The following POU2F1 variants were observed in gnomAD, a reference collection of about 807,000 sequenced individuals.
POU2F1 encodes POU class 2 homeobox 1.
In POU2F1, 16 loss-of-function variants were observed where a neutral mutation model predicts 84.9. The observed-to-expected ratio is 0.19, with a 90% CI of 0.13 to 0.29. The LOEUF is 0.29. POU2F1 is among the 10% of genes least tolerant of loss of function. The pLI, the probability that POU2F1 is intolerant of heterozygous loss-of-function variation, is 1.00. For missense variants in POU2F1, 738 were observed against 942.6 expected, an observed-to-expected ratio of 0.78 and a Z score of 2.84; for synonymous variants, 368 against 368.3, an observed-to-expected ratio of 1.00 and a Z score of 0.01.
At chr1:167,359,081 A>G (rs1349784308) in intron 2 of POU2F1, among the ~76,000 whole-genome samples, 1 of 149,564 alleles carries the variant, frequency 6.7e-6, no homozygotes, top group Non-Finnish European at 1.5e-5. Flanking sequence ...GGATTTATTT[A>G]TTTCTCAGTG....
intron 1 of POU2F1, among the ~76,000 whole-genome samples, chr1:167,313,313 G>A (rs1359756227): frequency 1.3e-5 from 2 of 152,036 alleles, no homozygotes; most frequent in African/African-American, 4.8e-5. Flanking sequence ...TTTTTTTCTA[G>A]ACATGAACAA....
At chr1:167,348,413 A>C (rs1035284756) in intron 2 of POU2F1, among the ~76,000 whole-genome samples, 2 of 152,186 alleles carry the variant, frequency 1.3e-5, no homozygotes, top group Non-Finnish European at 2.9e-5. Flanking sequence ...ATTACCGCCA[A>C]ACTTTTTTCC....
At chr1:167,396,451 C>G in intron 10 of POU2F1, 24 bp downstream of exon 10, 4 of 1,598,902 alleles carry the variant, frequency 2.5e-6, no homozygotes, top group Non-Finnish European at 3.4e-6. Context: ...TAAGACATTT[C>G]TTTGTCATTC....
intron 2 of POU2F1, among the ~76,000 whole-genome samples, chr1:167,341,511 C>G (rs187437994): frequency 6.6e-6 from 1 of 152,020 alleles, no homozygotes; most frequent in Non-Finnish European, 1.5e-5. Flanking sequence ...GTTCCCTGAC[C>G]CCCCTTGCAG....
intron 1 of POU2F1, among the ~76,000 whole-genome samples, chr1:167,251,372 C>T (rs1475580432): frequency 6.6e-6 from 1 of 152,108 alleles, no homozygotes; most frequent in East Asian, 1.9e-4. Context: ...GCACTCCAGC[C>T]TGGGTGACAG....
chr1:167,313,165 T>A (rs1012698774), intron 1 of POU2F1, among the ~76,000 whole-genome samples: 1 of 152,158 alleles, frequency 6.6e-6, no homozygotes, highest in Non-Finnish European at 1.5e-5. Flanking sequence ...AAAATGCTGA[T>A]GAGAGAAATC....
chr1:167,423,017 G>A lies in POU2F1; in HGVS notation c.*7207G>A, dbSNP rs1650735074. The A allele has an allele frequency of 6.6e-6, 1 of 152,170 alleles. No individual in the cohort carries two copies. Among genetic ancestry groups the A allele is most frequent in the Admixed American group, 6.5e-5 (1 of 15,276 alleles). The allele number at this position is 152,170 out of a possible 1,614,324, so 9.4% of individuals were successfully genotyped here. A position where few individuals can be genotyped will look rare whatever the true frequency, so the allele number is the denominator to read the frequency against. ...TCTTGGAATTGCTGAGAAATTTGGG[G>A]AGGGCAAAAGATAGGGGTAGAATTT... On this transcript the variant is annotated 3_prime_UTR_variant, in exon 16 of 16. Coordinates refer to ENST00000367866, the MANE Select transcript of POU2F1 (RefSeq NM_002697.4).
chr1:167,402,031 C>G (rs1297814625), intron 13 of POU2F1, among the ~76,000 whole-genome samples: 1 of 152,214 alleles, frequency 6.6e-6, no homozygotes, highest in Non-Finnish European at 1.5e-5. Flanking sequence ...ACACACCTGT[C>G]TTTCCCAATA....
At chr1:167,362,728 A>G (rs1397045330) in intron 2 of POU2F1, among the ~76,000 whole-genome samples, 1 of 152,180 alleles carries the variant, frequency 6.6e-6, no homozygotes, top group African/African-American at 2.4e-5. Flanking sequence ...CAGAGTAAAC[A>G]GTTTAGGATT....
At chr1:167,262,333 T>G (rs1240716539) in intron 1 of POU2F1, among the ~76,000 whole-genome samples, 1 of 152,164 alleles carries the variant, frequency 6.6e-6, no homozygotes, top group Admixed American at 6.5e-5. Context: ...GTCTGGTGCT[T>G]CTTTCTTTTA....
chr1:167,375,547 CA>C (rs1296883962), intron 6 of POU2F1, among the ~76,000 whole-genome samples: 2 of 151,852 alleles, frequency 1.3e-5, no homozygotes, highest in East Asian at 1.9e-4. Context: ...TGGAAAAGGG[CA>C]AAAAAATTGA....
chr1:167,308,654 C>T (rs1377694308), intron 1 of POU2F1, among the ~76,000 whole-genome samples: 2 of 152,040 alleles, frequency 1.3e-5, no homozygotes, highest in Non-Finnish European at 2.9e-5. Flanking sequence ...GCTTCCTGAG[C>T]AGCTGGCACT....
At chr1:167,409,092 G>C (rs193099227) in intron 13 of POU2F1, among the ~76,000 whole-genome samples, 1 of 152,166 alleles carries the variant, frequency 6.6e-6, no homozygotes, top group Non-Finnish European at 1.5e-5. Context: ...TGCTGTGTCT[G>C]TGAACTCTTT....
intron 2 of POU2F1, among the ~76,000 whole-genome samples, chr1:167,364,519 G>GA (rs201992510): frequency 1 from 82,788 of 82,812 alleles, 41,382 homozygotes; most frequent in Middle Eastern, 1. Flanking sequence ...GACAGAGCGA[G>GA]CTCCGTCTCA....
At chr1:167,399,499 T>G (rs1649041614) in intron 12 of POU2F1, 134 bp downstream of exon 12, 1 of 792,698 alleles carries the variant, frequency 1.3e-6, no homozygotes, top group Non-Finnish European at 2.0e-6. Context: ...TAAATTTGTA[T>G]TTTAGACATT....
intron 1 of POU2F1, among the ~76,000 whole-genome samples, chr1:167,226,804 T>TTTTA (rs750146807): frequency 3.6e-4 from 55 of 152,220 alleles, no homozygotes; most frequent in Non-Finnish European, 5.7e-4. Flanking sequence ...TGTTTTTGGG[T>TTTTA]TTTATTTATT....
intron 1 of POU2F1, among the ~76,000 whole-genome samples, chr1:167,235,260 T>G (rs1327804286): frequency 1.3e-5 from 2 of 152,220 alleles, no homozygotes; most frequent in Non-Finnish European, 1.5e-5. Context: ...CTCTGAGTAC[T>G]TGCTTCTTCA....
intron 1 of POU2F1, among the ~76,000 whole-genome samples, chr1:167,311,771 CATTTATTT>C (rs3059735): frequency 4.1e-4 from 60 of 144,726 alleles, no homozygotes; most frequent in South Asian, 6.7e-4. Flanking sequence ...TACAAAAAAT[CATTTATTT>C]ATTTATTTAT....
chr1:167,228,279 A>G lies in POU2F1; in HGVS notation c.61+7321A>G, dbSNP rs546397565. Among the ~76,000 whole-genome samples the G allele has an allele frequency of 3.3e-5, 5 of 152,314 alleles. No homozygotes were observed. In the East Asian group the frequency reaches 9.6e-4, roughly 29 times the overall value. ...TGATAAAAATGGTGTGTTAGGAGTAATGTGGTGTGCAGGATGGTTTGAAAT... is the reference window on the plus strand; with the variant it reads ...TGATAAAAATGGTGTGTTAGGAGTAGTGTGGTGTGCAGGATGGTTTGAAAT... On this transcript the variant is annotated intron_variant, in intron 1 of 15. Transcript: ENST00000367866.
Sources: allele counts gnomAD v4.1 joint callset (sites outside exome capture counted in the v4.1 genomes callset), GRCh38; gene constraint gnomAD v4.1.1; transcripts MANE v1.5; gene names NCBI Gene and HGNC (gene_info 2026-07-23, HGNC 2026-07-21).